SEM1: variants seen among roughly 807,000 people sequenced by gnomAD.
SEM1 encodes the protein SEM1 26S proteasome subunit.
Under a neutral mutation model 12.7 loss-of-function variants are expected in SEM1, and 3 were observed. The ratio of observed to expected loss-of-function variants is 0.24; its 90% CI spans 0.11 to 0.61. The LOEUF is 0.61. Ranked by LOEUF, SEM1 falls within the 20% of genes least tolerant of loss-of-function variation. SEM1 has a pLI of 0.88. For synonymous variants in SEM1, 30 were observed against 27.8 expected, an observed-to-expected ratio of 1.08 and a Z score of -0.25; for missense variants, 59 against 81.3, an observed-to-expected ratio of 0.73 and a Z score of 1.06.
At chr7:96,583,805 TC>T (rs1194323691) in intron 2 of SEM1, among the ~76,000 whole-genome samples, 3 of 150,576 alleles carry the variant, frequency 2.0e-5, no homozygotes, top group Non-Finnish European at 2.9e-5. Flanking sequence ...CCCTGCCTTT[TC>T]TTGTTTTCCA....
At chr7:96,529,468 C>T (rs1030657669) in intron 2 of SEM1, among the ~76,000 whole-genome samples, 2 of 152,040 alleles carry the variant, frequency 1.3e-5, no homozygotes, top group African/African-American at 4.8e-5. Context: ...CATTTCTCTT[C>T]TAATTTTCAT....
chr7:96,587,300 T>G (rs1329702047), intron 2 of SEM1, among the ~76,000 whole-genome samples: 1 of 152,222 alleles, frequency 6.6e-6, no homozygotes. Context: ...TTTCATATTT[T>G]GGGCACTAAT....
intron 2 of SEM1, among the ~76,000 whole-genome samples, chr7:96,517,459 T>C (rs1038970354): frequency 6.6e-6 from 1 of 152,178 alleles, no homozygotes; most frequent in African/African-American, 2.4e-5. Flanking sequence ...CTCTACATTC[T>C]TTTCAACATA....
chr7:96,628,631 T>C (rs546096113), intron 2 of SEM1, among the ~76,000 whole-genome samples: 1 of 152,288 alleles, frequency 6.6e-6, no homozygotes, highest in East Asian at 1.9e-4. Flanking sequence ...TCCTTTCAAT[T>C]GTTTCATCTT....
At chr7:96,618,298 G>A (rs367811112), downstream of SEM1, among the ~76,000 whole-genome samples, 2 of 152,038 alleles carry the variant, frequency 1.3e-5, no homozygotes, top group African/African-American at 4.8e-5. Context: ...TCCTTTACAG[G>A]TGACTTGATG....
intron 2 of SEM1, among the ~76,000 whole-genome samples, chr7:96,642,288 C>G (rs921391550): frequency 6.6e-6 from 1 of 151,978 alleles, no homozygotes; most frequent in Non-Finnish European, 1.5e-5. Context: ...TATAGAATAA[C>G]CAGATATTCT....
intron 2 of SEM1, among the ~76,000 whole-genome samples, chr7:96,632,948 T>C (rs1025193461): frequency 4.6e-5 from 7 of 152,132 alleles, no homozygotes; most frequent in Admixed American, 3.3e-4. Flanking sequence ...CCTTAATTTC[T>C]AAGCAAAGTT....
chr7:96,604,093 A>G (rs985481880), intron 2 of SEM1, among the ~76,000 whole-genome samples: 1 of 152,198 alleles, frequency 6.6e-6, no homozygotes, highest in Non-Finnish European at 1.5e-5. Flanking sequence ...GACATGAGCA[A>G]AGAAGTAATG....
At chr7:96,622,297 C>G, downstream of SEM1, 1 of 344,114 alleles carries the variant, frequency 2.9e-6, no homozygotes, top group East Asian at 4.8e-5. Flanking sequence ...ATGTGCTAAT[C>G]AGTTCAATAA....
At chr7:96,505,901 A>C (rs867332666) in intron 3 of SEM1, among the ~76,000 whole-genome samples, 2 of 152,114 alleles carry the variant, frequency 1.3e-5, no homozygotes, top group African/African-American at 4.8e-5. Flanking sequence ...GCAGTTACCC[A>C]TTGGCATATA....
chr7:96,698,683 G>A (rs985774373), intron 1 of SEM1, among the ~76,000 whole-genome samples: 6 of 152,212 alleles, frequency 3.9e-5, no homozygotes, highest in Middle Eastern at 3.4e-3. Context: ...CATTGGGATC[G>A]GTTCCAAGTC....
At chr7:96,669,380 TGA>T (rs1467641186), downstream of SEM1, among the ~76,000 whole-genome samples, 1 of 152,210 alleles carries the variant, frequency 6.6e-6, no homozygotes, top group African/African-American at 2.4e-5. Context: ...TGTAAATCAA[TGA>T]GTGTGGTTAT....
intron 2 of SEM1, among the ~76,000 whole-genome samples, chr7:96,598,721 T>C (rs961749852): frequency 2.0e-5 from 3 of 152,148 alleles, no homozygotes; most frequent in African/African-American, 7.2e-5. Flanking sequence ...AGAACTACCA[T>C]GTCTTTTTGA....
rs1423609752 is a variant in SEM1, at chr7:96,574,506, G to A, written c.171-67808C>T. On this transcript the variant is annotated intron_variant and NMD_transcript_variant, in intron 2 of 3. Transcript: ENST00000466986. ...TCTAGTTGTAGATCTTTGAGGAATC[G>A]CCACACTGTCTTCCACAATGGTTGA... is the stretch of plus-strand genomic sequence containing the variant. Among the ~76,000 whole-genome samples the A allele has an allele frequency of 3.3e-5, 5 of 152,068 alleles. No homozygotes were observed. In the East Asian group the frequency reaches 5.8e-4, roughly 18 times the overall value.
chr7:96,665,679 C>T (rs1300712712), intron 2 of SEM1, among the ~76,000 whole-genome samples: 1 of 152,160 alleles, frequency 6.6e-6, no homozygotes, highest in Non-Finnish European at 1.5e-5. Context: ...CTTAACTGTA[C>T]ATCAAATGAC....
At chr7:96,577,348 A>G (rs906558648) in intron 2 of SEM1, among the ~76,000 whole-genome samples, 4 of 152,166 alleles carry the variant, frequency 2.6e-5, no homozygotes, top group African/African-American at 9.7e-5. Context: ...GAAGGTTTGG[A>G]CCAGAGATTC....
chr7:96,574,681 A>G (rs190231668), intron 2 of SEM1, among the ~76,000 whole-genome samples: 1 of 151,806 alleles, frequency 6.6e-6, no homozygotes, highest in East Asian at 1.9e-4. Flanking sequence ...TTTTTCTCTA[A>G]TCTTGTCTTC....
intron 2 of SEM1, among the ~76,000 whole-genome samples, chr7:96,548,589 A>G (rs939865057): frequency 3.9e-5 from 6 of 152,186 alleles, no homozygotes; most frequent in African/African-American, 1.4e-4. Context: ...ACTGCTACTT[A>G]TTAGTGATTG....
At chr7:96,569,444 G>A (rs751508149) in intron 2 of SEM1, among the ~76,000 whole-genome samples, 13 of 152,094 alleles carry the variant, frequency 8.5e-5, no homozygotes, top group Admixed American at 2.0e-4. Flanking sequence ...AAAAGTCTAT[G>A]TGTGTTTAAA....
Sources: allele counts gnomAD v4.1 joint callset (sites outside exome capture counted in the v4.1 genomes callset), GRCh38; gene constraint gnomAD v4.1.1; transcripts MANE v1.5; gene names NCBI Gene and HGNC (gene_info 2026-07-23, HGNC 2026-07-21).